Variants in RBMS3 observed in about 807,000 individuals in gnomAD.
RBMS3 encodes the protein RNA binding motif single stranded interacting protein 3, also known as RNA-binding motif, single-stranded-interacting protein 3.
A neutral mutation model predicts 66.8 loss-of-function variants in RBMS3; 27 were observed. That is an observed-to-expected ratio of 0.40 (90% CI 0.30 to 0.56). The LOEUF (loss-of-function observed/expected upper bound fraction) is 0.56, where lower values mean the gene tolerates loss of function less well. Ranked by LOEUF, RBMS3 falls within the 20% of genes least tolerant of loss-of-function variation. The pLI is 0.40. For synonymous variants in RBMS3, 188 were observed against 183.0 expected (o/e 1.03, Z -0.22); for missense variants, 513 against 549.5 (o/e 0.93, Z 0.66).
chr3:29,626,887 A>AGAACAGTAAT (rs960677322), intron 4 of RBMS3, among the ~76,000 whole-genome samples: 1 of 152,196 alleles, frequency 6.6e-6, no homozygotes, highest in Non-Finnish European at 1.5e-5. Flanking sequence ...TGTCCAAATG[A>AGAACAGTAAT]GAACAGTAAT....
At chr3:29,784,987 T>C (rs1253073097) in intron 6 of RBMS3, among the ~76,000 whole-genome samples, 1 of 151,810 alleles carries the variant, frequency 6.6e-6, no homozygotes, top group African/African-American at 2.4e-5. Context: ...ACCAGGAAGA[T>C]ATAGAATCTC....
intron 12 of RBMS3, 25 bp from the exon 13 acceptor site, chr3:29,988,118 T>C (rs779309998): frequency 6.4e-7 from 1 of 1,565,032 alleles, no homozygotes; most frequent in Non-Finnish European, 8.8e-7. Context: ...AAAGTTCACA[T>C]GCATTTTTCT....
chr3:29,879,469 A>G (rs1361166267), intron 7 of RBMS3, among the ~76,000 whole-genome samples: 1 of 152,176 alleles, frequency 6.6e-6, no homozygotes, highest in Non-Finnish European at 1.5e-5. Context: ...CCAGAAAACA[A>G]TATTATATTT....
intron 6 of RBMS3, among the ~76,000 whole-genome samples, chr3:29,854,870 T>A (rs2059031361): frequency 6.6e-6 from 1 of 152,196 alleles, no homozygotes; most frequent in Non-Finnish European, 1.5e-5. Flanking sequence ...AAATAGAGCC[T>A]TTGAACTCTC....
chr3:29,402,213 G>T (rs2039842631), intron 1 of RBMS3, among the ~76,000 whole-genome samples: 1 of 151,986 alleles, frequency 6.6e-6, no homozygotes, highest in Non-Finnish European at 1.5e-5. Flanking sequence ...AATTGTAAGA[G>T]GCTCCTATGT....
At chr3:29,301,109 A>G (rs2033641787) in intron 1 of RBMS3, among the ~76,000 whole-genome samples, 1 of 151,948 alleles carries the variant, frequency 6.6e-6, no homozygotes, top group South Asian at 2.1e-4. Context: ...CCAGATGAAG[A>G]TGTGCTCTAG....
intron 8 of RBMS3, among the ~76,000 whole-genome samples, chr3:29,888,631 A>G (rs1443064406): frequency 6.6e-6 from 1 of 151,740 alleles, no homozygotes; most frequent in African/African-American, 2.4e-5. Context: ...CTAGCTTACT[A>G]GGTACTGCTA....
At chr3:29,639,776 A>C (rs1484813581) in intron 4 of RBMS3, among the ~76,000 whole-genome samples, 1 of 151,846 alleles carries the variant, frequency 6.6e-6, no homozygotes, top group Non-Finnish European at 1.5e-5. Context: ...AGCATAACCG[A>C]AGAGCAACAG....
chr3:29,307,441 T>C (rs2034087353), intron 1 of RBMS3, among the ~76,000 whole-genome samples: 1 of 151,956 alleles, frequency 6.6e-6, no homozygotes, highest in Non-Finnish European at 1.5e-5. Context: ...CTCACCATGA[T>C]AGGCCAGCTA....
intron 4 of RBMS3, among the ~76,000 whole-genome samples, chr3:29,645,770 G>T (rs187836407): frequency 6.6e-6 from 1 of 152,100 alleles, no homozygotes; most frequent in Admixed American, 6.5e-5. Flanking sequence ...TTGATGTTTT[G>T]CAGCATGGAT....
At chr3:29,617,608 T>C (rs865833726) in intron 4 of RBMS3, among the ~76,000 whole-genome samples, 4 of 152,158 alleles carry the variant, frequency 2.6e-5, no homozygotes, top group Non-Finnish European at 5.9e-5. Context: ...TATAGGAACC[T>C]ATATACACTT....
intron 4 of RBMS3, among the ~76,000 whole-genome samples, chr3:29,637,409 G>C (rs920794555): frequency 6.6e-6 from 1 of 151,878 alleles, no homozygotes; most frequent in African/African-American, 2.4e-5. Flanking sequence ...AAAGGGAAAT[G>C]AAAGGATCCT....
intron 4 of RBMS3, among the ~76,000 whole-genome samples, chr3:29,640,294 ACACG>A (rs2049651714): frequency 3.3e-5 from 5 of 151,550 alleles, no homozygotes; most frequent in Non-Finnish European, 5.9e-5. Flanking sequence ...ACCCACACAC[ACACG>A]AAAGACGGAA....
chr3:29,411,169 G>C (rs528283368), intron 1 of RBMS3, among the ~76,000 whole-genome samples: 109 of 152,034 alleles, frequency 7.2e-4, no homozygotes, highest in Non-Finnish European at 1.3e-3. Context: ...TCATAAACAG[G>C]CTTCTTTCAT....
intron 12 of RBMS3, among the ~76,000 whole-genome samples, chr3:29,977,424 T>C (rs1697666533): frequency 6.6e-6 from 1 of 152,124 alleles, no homozygotes; most frequent in South Asian, 2.1e-4. Flanking sequence ...TGGGGTTTTC[T>C]TTGTTTGTTT....
chr3:29,457,957 C>T (rs2042251402), intron 2 of RBMS3, among the ~76,000 whole-genome samples: 1 of 145,108 alleles, frequency 6.9e-6, no homozygotes, highest in Non-Finnish European at 1.5e-5. Context: ...CACCACTCTC[C>T]TATCTAAGTA....
At position 30,005,231 on chromosome 3, in the gene RBMS3, T is replaced by TTTTC. The variant is rs1699776313; in HGVS notation, c.*1373_*1376dup. 6.6e-6 allele frequency: 1 copy of TTTTC among 151,698 alleles called. No homozygotes were observed. The highest frequency in any genetic ancestry group is 2.4e-5 in the African/African-American group (1 of 41,384). 9.4% of individuals were successfully genotyped at this position (151,698 alleles called of 1,614,324 possible). The stretch of plus-strand genomic sequence containing the variant: ...AAGAGGGTGGGGGGAGTTGTCTCTC[T>TTTTC]TTTCTTTAAATGTGTATTCATTGAT... On this transcript the variant is annotated 3_prime_UTR_variant, in exon 15 of 15. Transcript: ENST00000383767.
intron 3 of RBMS3, among the ~76,000 whole-genome samples, chr3:29,519,483 A>G (rs1458039425): frequency 6.6e-6 from 1 of 152,212 alleles, no homozygotes; most frequent in Admixed American, 6.5e-5. Context: ...TAGAAAGGTC[A>G]CAAACATTTT....
chr3:29,501,250 G>C (rs2043956405), intron 3 of RBMS3, among the ~76,000 whole-genome samples: 1 of 152,108 alleles, frequency 6.6e-6, no homozygotes, highest in African/African-American at 2.4e-5. Context: ...CACATATTAT[G>C]TCTTATTAAT....
Sources: gnomAD v4.1 joint callset for allele counts (sites outside exome capture counted in the v4.1 genomes callset) on GRCh38, gnomAD v4.1.1 for gene constraint, MANE v1.5 for transcripts, NCBI Gene and HGNC (gene_info 2026-07-23, HGNC 2026-07-21) for gene names.